KIAA1671: variants seen among roughly 807,000 people sequenced by gnomAD.
KIAA1671 encodes the protein KIAA1671.
KIAA1671 carries 52 observed loss-of-function variants against 131.2 expected under a neutral mutation model. The ratio of observed to expected loss-of-function variants is 0.40; its 90% CI spans 0.32 to 0.50. The LOEUF (loss-of-function observed/expected upper bound fraction) is 0.50, where lower values mean the gene tolerates loss of function less well. Among genes scored for constraint, KIAA1671 ranks in the 20% least tolerant of loss-of-function variants. The pLI is 0.73. For missense variants in KIAA1671, 2,360 were observed against 2,364.2 expected (o/e 1.00, Z 0.04); for synonymous variants, 1,003 against 961.6 (o/e 1.04, Z -0.80).
chr22:25,140,961 C>T (rs1241980280), intron 6 of KIAA1671, among the ~76,000 whole-genome samples: 1 of 152,128 alleles, frequency 6.6e-6, no homozygotes, highest in Non-Finnish European at 1.5e-5. Flanking sequence ...TTTTCAGGCT[C>T]TTCCTGGGAC....
chr22:25,124,920 C>CTAATT (rs1432259494), intron 6 of KIAA1671, among the ~76,000 whole-genome samples: 1 of 152,040 alleles, frequency 6.6e-6, no homozygotes, highest in Non-Finnish European at 1.5e-5. Context: ...CCATGTCTGG[C>CTAATT]TAATTTTTTG....
chr22:25,152,085 C>T (rs1277251771), intron 6 of KIAA1671, among the ~76,000 whole-genome samples: 1 of 152,200 alleles, frequency 6.6e-6, no homozygotes, highest in Non-Finnish European at 1.5e-5. Context: ...GACCAGCAGC[C>T]TCATTTTCAG....
chr22:24,960,756 C>A (rs1392690478), intron 1 of KIAA1671, among the ~76,000 whole-genome samples: 1 of 146,080 alleles, frequency 6.8e-6, no homozygotes, highest in Non-Finnish European at 1.5e-5. Context: ...GGACAGATTT[C>A]CAGGATGTGG....
intron 1 of KIAA1671, among the ~76,000 whole-genome samples, chr22:24,961,491 G>A (rs1009010798): frequency 2.0e-5 from 3 of 152,228 alleles, no homozygotes; most frequent in African/African-American, 7.2e-5. Context: ...GAGTCAGCAG[G>A]TAGCTTGGCT....
At chr22:25,109,682 T>C (rs1931231524) in intron 6 of KIAA1671, among the ~76,000 whole-genome samples, 1 of 152,184 alleles carries the variant, frequency 6.6e-6, no homozygotes. Context: ...TTAGAAATGG[T>C]GTTGGACATT....
chr22:25,109,681 G>A (rs1008096485), intron 6 of KIAA1671, among the ~76,000 whole-genome samples: 2 of 152,194 alleles, frequency 1.3e-5, no homozygotes, highest in Non-Finnish European at 2.9e-5. Flanking sequence ...CTTAGAAATG[G>A]TGTTGGACAT....
chr22:24,955,105 A>T (rs1220003982), intron 1 of KIAA1671, among the ~76,000 whole-genome samples: 2 of 151,952 alleles, frequency 1.3e-5, no homozygotes, highest in Non-Finnish European at 2.9e-5. Flanking sequence ...TTGAAGGCTG[A>T]CCTTGGCAGG....
intron 8 of KIAA1671, chr22:25,175,744 T>C (rs1341947894): frequency 2.0e-5 from 3 of 152,210 alleles, no homozygotes; most frequent in Non-Finnish European, 4.4e-5. Flanking sequence ...CAGGCACATG[T>C]TAATAACCCC....
chr22:25,186,205 C>T (rs1018728980), intron 11 of KIAA1671: 1 of 152,446 alleles, frequency 6.6e-6, no homozygotes, highest in African/African-American at 2.4e-5. Flanking sequence ...GGCCCTTTCT[C>T]TGACCCCTGT....
chr22:25,163,331 A>ATTTTTTTTTTTTT (rs132895), intron 6 of KIAA1671, among the ~76,000 whole-genome samples: 4 of 55,544 alleles, frequency 7.2e-5, no homozygotes, highest in Admixed American at 3.0e-4. Context: ...ATTGCCTCAA[A>ATTTTTTTTTTTTT]TTTTTTTTTT....
chr22:25,031,297 C>CGCCATTCT (rs1367783665), intron 3 of KIAA1671, among the ~76,000 whole-genome samples: 1 of 150,518 alleles, frequency 6.6e-6, no homozygotes, highest in Non-Finnish European at 1.5e-5. Flanking sequence ...CCCAGGTTCA[C>CGCCATTCT]GCCATTCTCC....
chr22:24,983,299 G>C (rs971905675), intron 1 of KIAA1671, among the ~76,000 whole-genome samples: 1 of 152,146 alleles, frequency 6.6e-6, no homozygotes, highest in African/African-American at 2.4e-5. Context: ...TGCTTCAAAG[G>C]CTGTAAAAGA....
At chr22:25,070,418 T>C in intron 6 of KIAA1671, 1 of 493,378 alleles carries the variant, frequency 2.0e-6, no homozygotes, top group Non-Finnish European at 3.7e-6. Flanking sequence ...TACCTCTGGG[T>C]GAGTGGCGGG....
In KIAA1671 at chr22:25,040,178, G is replaced by A. The variant is rs908237576; in HGVS notation, c.3048G>A (p.Lys1016=). The A allele has an allele frequency of 1.6e-5, 25 of 1,551,714 alleles. No individual in the cohort carries two copies. The African/African-American group carries it at 2.7e-4, about 17-fold the overall frequency. ...GGGACCAGACTTCCCCAGCAGTGAA[G>A]CAAGGGTCACCTGTGGAACCCAAGG... The part of the protein sequence containing the change: ...ASRDQTSPAV[K]QGSPVEPKAT... The change falls in exon 5 of 13, where the codon AAG becomes AAA. Residue 1016 remains lysine (K), a synonymous_variant. Coordinates refer to ENST00000358431, the MANE Select transcript of KIAA1671 (RefSeq NM_001145206.2).
At chr22:24,978,681 G>C (rs1385284876) in intron 1 of KIAA1671, among the ~76,000 whole-genome samples, 1 of 145,754 alleles carries the variant, frequency 6.9e-6, no homozygotes, top group East Asian at 1.9e-4. Flanking sequence ...TTAATCTTTT[G>C]TTTTGTTTTG....
chr22:25,069,443 TGCAGCTG>T (rs1404967264), intron 6 of KIAA1671, among the ~76,000 whole-genome samples: 2 of 152,204 alleles, frequency 1.3e-5, no homozygotes, highest in Non-Finnish European at 2.9e-5. Flanking sequence ...CCCCACCTGG[TGCAGCTG>T]GCAGCTGGTG....
intron 1 of KIAA1671, among the ~76,000 whole-genome samples, chr22:24,996,482 CGA>C (rs1355460834): frequency 6.6e-6 from 1 of 151,924 alleles, no homozygotes; most frequent in Non-Finnish European, 1.5e-5. Context: ...GGAGTGCGGG[CGA>C]GTACTTGAAA....
At chr22:25,066,446 A>G (rs1031860450) in intron 6 of KIAA1671, among the ~76,000 whole-genome samples, 2 of 152,118 alleles carry the variant, frequency 1.3e-5, no homozygotes, top group African/African-American at 4.8e-5. Context: ...ACCATGCCTG[A>G]CCTCAAGCCC....
chr22:25,185,203 C>A, intron 11 of KIAA1671, 84 bp downstream of exon 11: 1 of 1,363,912 alleles, frequency 7.3e-7, no homozygotes, highest in Non-Finnish European at 9.8e-7. Context: ...GGTTTTAGAG[C>A]TGAATAGAAG....
Sources: gnomAD v4.1 joint callset for allele counts (sites outside exome capture counted in the v4.1 genomes callset) on GRCh38, gnomAD v4.1.1 for gene constraint, MANE v1.5 for transcripts, NCBI Gene and HGNC (gene_info 2026-07-23, HGNC 2026-07-21) for gene names.